Variants in TFCP2 observed in about 807,000 individuals in gnomAD.
The protein encoded by TFCP2 is transcription factor CP2.
In TFCP2, 33 loss-of-function variants were observed where a neutral mutation model predicts 73.4. The ratio of observed to expected loss-of-function variants is 0.45; its 90% CI spans 0.34 to 0.60. The LOEUF (loss-of-function observed/expected upper bound fraction) is 0.60. Ranked by LOEUF, TFCP2 falls within the 20% of genes least tolerant of loss-of-function variation. TFCP2 has a pLI of 0.01. For synonymous variants in TFCP2, 193 were observed against 211.6 expected (o/e 0.91, Z 0.76); for missense variants, 352 against 604.0 (o/e 0.58, Z 4.37).
At chr12:51,123,665 A>G (rs1940735360) in intron 1 of TFCP2, among the ~76,000 whole-genome samples, 1 of 152,162 alleles carries the variant, frequency 6.6e-6, no homozygotes, top group Non-Finnish European at 1.5e-5. Context: ...AGCCTCAAGT[A>G]ATCCTCCCAC....
At chr12:51,148,711 A>AAAAAG (rs1016489741) in intron 1 of TFCP2, among the ~76,000 whole-genome samples, 3 of 149,252 alleles carry the variant, frequency 2.0e-5, no homozygotes, top group Admixed American at 6.7e-5. Flanking sequence ...AAAAAAAAAA[A>AAAAAG]AAAAGAAAAA....
chr12:51,115,440 C>T (rs923791412), intron 4 of TFCP2, among the ~76,000 whole-genome samples: 3 of 151,972 alleles, frequency 2.0e-5, no homozygotes, highest in African/African-American at 7.3e-5. Flanking sequence ...CCTTTGAGTA[C>T]CGCTGGTAGA....
chr12:51,126,915 G>A (rs1940830878), intron 1 of TFCP2, among the ~76,000 whole-genome samples: 1 of 152,164 alleles, frequency 6.6e-6, no homozygotes, highest in Non-Finnish European at 1.5e-5. Context: ...TGGGAAGGAT[G>A]TAAGGTCAGA....
chr12:51,155,780 G>A (rs1307470132), intron 1 of TFCP2, among the ~76,000 whole-genome samples: 1 of 152,156 alleles, frequency 6.6e-6, no homozygotes, highest in African/African-American at 2.4e-5. Flanking sequence ...AGTGGCTCAC[G>A]CCTGTAAAGC....
chr12:51,099,070 T>C, intron 12 of TFCP2, 152 bp from the exon 13 acceptor site: 2 of 809,444 alleles, frequency 2.5e-6, no homozygotes, highest in Non-Finnish European at 3.8e-6. Context: ...CTGTGTGACC[T>C]AGGGCAAGTT....
intron 1 of TFCP2, among the ~76,000 whole-genome samples, chr12:51,156,592 C>T (rs968106656): frequency 1.2e-4 from 19 of 152,126 alleles, no homozygotes; most frequent in African/African-American, 4.1e-4. Flanking sequence ...AGTGAGTGTT[C>T]TTTCCTCTTC....
At position 51,106,072 on chromosome 12, in the gene TFCP2, A is replaced by C. The variant is rs77253558; in HGVS notation, c.917+453T>G. On this transcript the variant is annotated intron_variant, in intron 8 of 14. Transcript: ENST00000257915. ...TCAAACTTATTTCCCCAATTATCAA[A>C]GATTCATAATAATTAGGTGTTAGAA... Among the ~76,000 whole-genome samples the C allele has an allele frequency of 2.5e-3, 388 of 152,324 alleles. 11 individuals carry two copies. In the South Asian group the frequency reaches 0.039, roughly 15 times the overall value.
intron 1 of TFCP2, among the ~76,000 whole-genome samples, chr12:51,165,385 C>T (rs1051967572): frequency 6.6e-6 from 1 of 151,728 alleles, no homozygotes; most frequent in African/African-American, 2.4e-5. Context: ...TGATACACCA[C>T]ATTATCATCT....
chr12:51,099,811 C>T (rs1940065020), intron 11 of TFCP2, 32 bp from the exon 12 acceptor site: 1 of 1,609,132 alleles, frequency 6.2e-7, no homozygotes, highest in African/African-American at 1.3e-5. Flanking sequence ...ATTAGTCTTA[C>T]ATTCTTTATG....
chr12:51,109,741 T>C (rs1313935291), intron 5 of TFCP2, among the ~76,000 whole-genome samples: 6 of 142,456 alleles, frequency 4.2e-5, no homozygotes, highest in African/African-American at 1.5e-4. Context: ...TTTTTGAGAC[T>C]AAGTTTTGCT....
intron 1 of TFCP2, among the ~76,000 whole-genome samples, chr12:51,149,885 C>T (rs1941386035): frequency 6.6e-6 from 1 of 152,004 alleles, no homozygotes; most frequent in Admixed American, 6.6e-5. Context: ...ACAGGGTGAG[C>T]CACCGCACCT....
chr12:51,171,620 C>T (rs1287139864), intron 1 of TFCP2, among the ~76,000 whole-genome samples: 1 of 152,190 alleles, frequency 6.6e-6, no homozygotes, highest in African/African-American at 2.4e-5. Flanking sequence ...TCAAGTGATC[C>T]GCCCGCCTCA....
rs1378846167 is a variant in TFCP2, at chr12:51,173,023, G to T, written c.-601C>A. 2 of 153,974 alleles carry T rather than the reference G, an allele frequency of 1.3e-5. No homozygotes were observed. The highest frequency in any genetic ancestry group is 2.9e-5 in the Non-Finnish European group (2 of 69,044). The allele number at this position is 153,974 out of a possible 1,614,324, so 9.5% of individuals were successfully genotyped here. A position where few individuals can be genotyped will look rare whatever the true frequency, so the allele number is the denominator to read the frequency against. The stretch of plus-strand genomic sequence containing the variant: ...TAGCCCCCCACGGCCTGGAAACATG[G>T]AAGGAGAAAGTCCAGCACAGGCGTA... On this transcript the variant is annotated 5_prime_UTR_variant, in exon 1 of 15. Coordinates refer to ENST00000257915, the MANE Select transcript of TFCP2 (RefSeq NM_005653.5).
intron 1 of TFCP2, among the ~76,000 whole-genome samples, chr12:51,169,382 T>C (rs1331726225): frequency 6.6e-6 from 1 of 151,746 alleles, no homozygotes; most frequent in African/African-American, 2.4e-5. Context: ...GCGCCTGTAG[T>C]GCCAGCTACT....
intron 1 of TFCP2, among the ~76,000 whole-genome samples, chr12:51,153,401 T>C (rs1474723114): frequency 5.0e-4 from 1 of 1,988 alleles, no homozygotes; most frequent in Non-Finnish European, 5.9e-3. Context: ...ATTTAACCTT[T>C]TTTTTTTTTG....
rs1015593343 is a variant in TFCP2 at position 51,110,792 on chromosome 12, A to G, written c.564+85T>C. On this transcript the variant is annotated intron_variant, in intron 5 of 14. Transcript: ENST00000257915. ...GGCTAGAACCCTGTAAAGATTTCAA[A>G]GTTAACATGTTTTATCCTTTAAGAA... 6 of 1,036,428 alleles carry G rather than the reference A, an allele frequency of 5.8e-6. No individual in the cohort carries two copies. In the Admixed American group the frequency reaches 9.1e-5, roughly 16 times the overall value. The allele number at this position is 1,036,428 out of a possible 1,614,324, so 64.2% of individuals were successfully genotyped here.
At chr12:51,106,490 G>T in intron 8 of TFCP2, 35 bp downstream of exon 8, 1 of 1,486,396 alleles carries the variant, frequency 6.7e-7, no homozygotes, top group Non-Finnish European at 9.3e-7. Flanking sequence ...ATATATTTTG[G>T]ACAAATATAA....
At chr12:51,122,451 G>A (rs572026302) in intron 1 of TFCP2, among the ~76,000 whole-genome samples, 1 of 151,686 alleles carries the variant, frequency 6.6e-6, no homozygotes, top group East Asian at 1.9e-4. Flanking sequence ...TAGAGACAGG[G>A]TTTCACCATG....
At chr12:51,167,826 C>G (rs1941786045) in intron 1 of TFCP2, among the ~76,000 whole-genome samples, 1 of 152,008 alleles carries the variant, frequency 6.6e-6, no homozygotes, top group Admixed American at 6.6e-5. Context: ...TTTGGGAGGC[C>G]AAGGTGGGAG....
Sources: gnomAD v4.1 joint callset for allele counts (sites outside exome capture counted in the v4.1 genomes callset) on GRCh38, gnomAD v4.1.1 for gene constraint, MANE v1.5 for transcripts, NCBI Gene and HGNC (gene_info 2026-07-23, HGNC 2026-07-21) for gene names.